FSTL4: variants seen among roughly 807,000 people sequenced by gnomAD.
FSTL4 encodes follistatin like 4.
In FSTL4, 28 loss-of-function variants were observed where a neutral mutation model predicts 78.2. That is an observed-to-expected ratio of 0.36 (90% CI 0.27 to 0.49). The LOEUF is 0.49. Ranked by LOEUF, FSTL4 falls within the 20% of genes least tolerant of loss-of-function variation. FSTL4 has a pLI of 0.98. For synonymous variants in FSTL4, 422 were observed against 440.5 expected (o/e 0.96, Z 0.53); for missense variants, 922 against 1,084.9 (o/e 0.85, Z 2.11).
chr5:133,262,507 G>A (rs944191839), intron 6 of FSTL4, among the ~76,000 whole-genome samples: 2 of 152,126 alleles, frequency 1.3e-5, no homozygotes, highest in Admixed American at 1.3e-4. Flanking sequence ...CTTCCTAAAT[G>A]TCCACAGCTC....
At position 133,400,874 on chromosome 5, in the gene FSTL4, C is replaced by T. The variant is rs750825439; in HGVS notation, c.273G>A (p.Glu91=). ...KTGEPECQCL[E]ACRPSYVPVC... ...CAGGCACGTAGCTGGGCCTGCATGC[C>T]TCCAGGCACTGGCATTCGGGCTCCC... The change falls in exon 4 of 16, where the codon GAG becomes GAA. Residue 91 remains glutamate (E), a synonymous_variant. Transcript: ENST00000265342. 4.5e-5 allele frequency: 72 copies of T among 1,613,832 alleles called. No individual in the cohort carries two copies. In the South Asian group the frequency reaches 7.8e-4, roughly 17 times the overall value.
chr5:133,323,677 C>G (rs1034654829), intron 4 of FSTL4, among the ~76,000 whole-genome samples: 8 of 152,238 alleles, frequency 5.3e-5, no homozygotes, highest in African/African-American at 1.9e-4. Context: ...CAGGGCTGGC[C>G]TGGCCAGCCC....
the FSTL4 span, among the ~76,000 whole-genome samples, chr5:133,751,130 G>T: frequency 6.6e-6 from 1 of 151,902 alleles, no homozygotes; most frequent in South Asian, 2.1e-4. Flanking sequence ...AGCCCTCAGG[G>T]TTCTCCCCTA....
intron 4 of FSTL4, among the ~76,000 whole-genome samples, chr5:133,377,323 A>T (rs1465420392): frequency 6.7e-6 from 1 of 150,148 alleles, no homozygotes; most frequent in East Asian, 1.9e-4. Context: ...AGAGTCTACC[A>T]TGACAACCAG....
intron 4 of FSTL4, among the ~76,000 whole-genome samples, chr5:133,380,240 A>G (rs957956636): frequency 8.0e-5 from 12 of 149,468 alleles, no homozygotes; most frequent in Non-Finnish European, 1.2e-4. Flanking sequence ...AACTCAACAA[A>G]CCCAAAAATT....
chr5:133,756,591 T>C, the FSTL4 span, among the ~76,000 whole-genome samples: 4 of 152,082 alleles, frequency 2.6e-5, no homozygotes, highest in Non-Finnish European at 5.9e-5. Flanking sequence ...GTCAGGGGCT[T>C]CTGCATACCC....
chr5:133,320,731 G>A (rs1754025598), intron 4 of FSTL4, among the ~76,000 whole-genome samples: 1 of 152,134 alleles, frequency 6.6e-6, no homozygotes, highest in Admixed American at 6.5e-5. Flanking sequence ...TCATTGGCTG[G>A]GCGTGGTGGC....
the FSTL4 span, among the ~76,000 whole-genome samples, chr5:133,824,107 G>A: frequency 1.3e-5 from 2 of 152,252 alleles, no homozygotes; most frequent in Admixed American, 1.3e-4. Flanking sequence ...CACACACCAC[G>A]CAATTCTGTA....
the FSTL4 span, among the ~76,000 whole-genome samples, chr5:133,655,397 C>T: frequency 6.6e-6 from 1 of 152,202 alleles, no homozygotes; most frequent in Non-Finnish European, 1.5e-5. Flanking sequence ...CTAAGCCCAG[C>T]AATGCTCACC....
At position 133,299,806 on chromosome 5, in the gene FSTL4, C is replaced by T. The variant is rs141682178; in HGVS notation, c.727+12848G>A. ...AGATAGGTGCTCTGTGATTGGGGGG[C>T]TGGGGAGGGTGAGACCCAGGAAAAA... On this transcript the variant is annotated intron_variant, in intron 6 of 15. Coordinates refer to ENST00000265342, the MANE Select transcript of FSTL4 (RefSeq NM_015082.2). Among the ~76,000 whole-genome samples, 16 of 152,260 alleles carry T rather than the reference C, an allele frequency of 1.1e-4. No homozygotes were observed. The East Asian group carries it at 3.1e-3, about 29-fold the overall frequency.
intron 6 of FSTL4, among the ~76,000 whole-genome samples, chr5:133,261,720 G>A (rs1752526861): frequency 6.6e-6 from 1 of 152,172 alleles, no homozygotes; most frequent in Non-Finnish European, 1.5e-5. Context: ...GCTGGATGTG[G>A]TGGCACACAC....
chr5:133,745,132 C>T, the FSTL4 span, among the ~76,000 whole-genome samples: 2 of 152,214 alleles, frequency 1.3e-5, no homozygotes, highest in African/African-American at 2.4e-5. Context: ...TAAAAAGAGA[C>T]ACTCACTGCT....
chr5:133,608,574 G>C (rs1179762660), intron 1 of FSTL4, among the ~76,000 whole-genome samples: 1 of 152,250 alleles, frequency 6.6e-6, no homozygotes, highest in Admixed American at 6.5e-5. Flanking sequence ...TACATCTAGA[G>C]TGGGAGTTTG....
intron 3 of FSTL4, among the ~76,000 whole-genome samples, chr5:133,496,150 T>G (rs1758363553): frequency 1.3e-5 from 2 of 152,242 alleles, no homozygotes; most frequent in South Asian, 4.1e-4. Context: ...CCACAGCATG[T>G]GCTCTGACAT....
At position 133,236,763 on chromosome 5, in the gene FSTL4, TC is replaced by T. The variant is rs1581555947; in HGVS notation, c.895-3227del. Among the ~76,000 whole-genome samples the T allele has an allele frequency of 6.6e-6, 1 of 152,170 alleles. No homozygotes were observed. Among genetic ancestry groups the T allele is most frequent in the East Asian group, 1.9e-4 (1 of 5,194 alleles). The stretch of plus-strand genomic sequence containing the variant: ...CCTCCTCCCAGGCTGTCTGTCTGTC[TC>T]CCTCTCCTGCAAGTCTGCTCCAACC... On this transcript the variant is annotated intron_variant, in intron 7 of 15. Coordinates refer to ENST00000265342, the MANE Select transcript of FSTL4 (RefSeq NM_015082.2). The surrounding 1 kb of genome is among the most constrained non-coding windows in gnomAD (Gnocchi z 5.0).
intron 3 of FSTL4, among the ~76,000 whole-genome samples, chr5:133,497,855 G>A (rs1464091581): frequency 2.0e-5 from 3 of 152,148 alleles, no homozygotes; most frequent in African/African-American, 4.8e-5. Flanking sequence ...CCAGATTTAG[G>A]TGAAGGTTTA....
At chr5:133,313,189 G>A (rs1288962627) in intron 5 of FSTL4, among the ~76,000 whole-genome samples, 2 of 152,204 alleles carry the variant, frequency 1.3e-5, no homozygotes, top group Admixed American at 1.3e-4. Context: ...GGGGACAGAG[G>A]TCTGCCAGCT....
chr5:133,342,712 C>T (rs1028803982), intron 4 of FSTL4, among the ~76,000 whole-genome samples: 11 of 152,192 alleles, frequency 7.2e-5, no homozygotes, highest in African/African-American at 2.4e-4. Context: ...TAACCCTAAA[C>T]ATTCCCCTTT....
chr5:133,419,256 A>T (rs1225785963), intron 3 of FSTL4, among the ~76,000 whole-genome samples: 1 of 152,168 alleles, frequency 6.6e-6, no homozygotes, highest in Non-Finnish European at 1.5e-5. Context: ...AGTAGCTGGC[A>T]CTACAGGCAC....
Sources: gnomAD v4.1 joint callset for allele counts (sites outside exome capture counted in the v4.1 genomes callset) on GRCh38, gnomAD v4.1.1 for gene constraint, Gnocchi (gnomAD v3.1) non-coding constraint, MANE v1.5 for transcripts, NCBI Gene and HGNC (gene_info 2026-07-23, HGNC 2026-07-21) for gene names.